The following RPA3 variants were observed in gnomAD, a reference collection of about 807,000 sequenced individuals.
The protein encoded by RPA3 is replication protein A 14 kDa subunit.
In RPA3, 24 loss-of-function variants were observed where a neutral mutation model predicts 13.7. The observed-to-expected ratio is 1.75, with a 90% CI of 1.27 to 2.46. The LOEUF is 2.46. Among genes scored for constraint, RPA3 ranks in the 30% most tolerant of loss-of-function variants. RPA3 has a pLI of 0.00. For missense variants in RPA3, 183 were observed against 151.0 expected, an observed-to-expected ratio of 1.21 and a Z score of -1.11; for synonymous variants, 59 against 51.2, an observed-to-expected ratio of 1.15 and a Z score of -0.65.
rs183720383 is a variant in RPA3, at chr7:7,669,298, T to C, written c.-758+16532A>G. Among the ~76,000 whole-genome samples the C allele has an allele frequency of 3.3e-5, 5 of 152,212 alleles. 1 individual carries two copies. In the South Asian group the frequency reaches 6.2e-4, roughly 19 times the overall value. ...TGACACACTGTAGGAACTCAGTAAA[T>C]GTTAGTGGCATTTGTAGTTATTCCC... On this transcript the variant is annotated intron_variant, in intron 4 of 7. Coordinates refer to ENST00000223129, the MANE Select transcript of RPA3 (RefSeq NM_002947.5).
At chr7:7,645,222 C>T (rs934550009) in intron 4 of RPA3, among the ~76,000 whole-genome samples, 4 of 151,684 alleles carry the variant, frequency 2.6e-5, no homozygotes, top group African/African-American at 9.7e-5. Flanking sequence ...TCTTTCTTAC[C>T]TTTTGCCTAG....
At position 7,637,100 on chromosome 7, in the gene RPA3, G is replaced by C; in HGVS notation, c.284-18C>G. The stretch of plus-strand genomic sequence containing the variant: ...TCCAAGATCTGAAAGAAACATTTAA[G>C]CAAACATTTAATCTACAATGGAAAG... On this transcript the variant is annotated intron_variant, in intron 7 of 7. Transcript: ENST00000223129. The C allele has an allele frequency of 6.6e-7, 1 of 1,524,468 alleles. No individual in the cohort carries two copies. Among genetic ancestry groups the C allele is most frequent in the Non-Finnish European group, 9.1e-7 (1 of 1,099,938 alleles). 94.4% of individuals were successfully genotyped at this position (1,524,468 alleles called of 1,614,324 possible). A position where few individuals can be genotyped will look rare whatever the true frequency, so the allele number is the denominator to read the frequency against.
chr7:7,673,160 A>G, intron 4 of RPA3: 1 of 660,858 alleles, frequency 1.5e-6, no homozygotes, highest in Admixed American at 2.4e-5. Context: ...TTGTCGGCTG[A>G]CATCTAGAGA....
At chr7:7,689,325 C>T (rs897948094) in intron 2 of RPA3, 1 of 152,130 alleles carries the variant, frequency 6.6e-6, no homozygotes, top group Admixed American at 6.6e-5. Context: ...TCATTGCCAA[C>T]TTTGCTTAGG....
In RPA3 at chr7:7,641,039, G is replaced by A. The variant is rs1240896388; in HGVS notation, c.-621C>T. On this transcript the variant is annotated 5_prime_UTR_variant, in exon 5 of 8. Coordinates refer to ENST00000223129, the MANE Select transcript of RPA3 (RefSeq NM_002947.5). ...TGATACGTGGTGTGGCGTCGGGGTTGTGATACCCGCCCCCTTGGAGATGGG... is the reference window on the plus strand; with the variant it reads ...TGATACGTGGTGTGGCGTCGGGGTTATGATACCCGCCCCCTTGGAGATGGG... 1 of 152,800 alleles carries A rather than the reference G, an allele frequency of 6.5e-6. No individual in the cohort carries two copies. Among genetic ancestry groups the A allele is most frequent in the African/African-American group, 2.4e-5 (1 of 41,456 alleles). The allele number at this position is 152,800 out of a possible 1,614,324, so 9.5% of individuals were successfully genotyped here.
At chr7:7,681,696 C>A (rs920142266) in intron 4 of RPA3, among the ~76,000 whole-genome samples, 1 of 152,014 alleles carries the variant, frequency 6.6e-6, no homozygotes, top group African/African-American at 2.4e-5. Context: ...TTTTTCATAG[C>A]CTTATACTAC....
rs34880729 is a variant in RPA3 at position 7,695,981 on chromosome 7, G to GTT, written c.-1027-8655_-1027-8654dup. ...TTTAAACCCTACTGTGTATATCTCC[G>GTT]TTTTTTTTTTTTTTTTCTGATAAAC... On this transcript the variant is annotated intron_variant, in intron 2 of 7. Coordinates refer to ENST00000223129, the MANE Select transcript of RPA3 (RefSeq NM_002947.5). Among the ~76,000 whole-genome samples, 1,296 of 130,694 alleles carry GTT rather than the reference G, an allele frequency of 9.9e-3. 20 individuals carry two copies. Among genetic ancestry groups the GTT allele is most frequent in the African/African-American group, 0.023 (810 of 35,100 alleles). 85.7% of individuals were successfully genotyped at this position (130,694 alleles called of 152,430 possible). A position where few individuals can be genotyped will look rare whatever the true frequency, so the allele number is the denominator to read the frequency against.
chr7:7,694,927 G>A (rs985924909), intron 2 of RPA3, among the ~76,000 whole-genome samples: 2 of 152,086 alleles, frequency 1.3e-5, no homozygotes, highest in Non-Finnish European at 2.9e-5. Context: ...TGGATCATAC[G>A]GTAGTTCTAT....
intron 4 of RPA3, among the ~76,000 whole-genome samples, chr7:7,674,278 T>A (rs1291858962): frequency 6.6e-6 from 1 of 152,238 alleles, no homozygotes; most frequent in African/African-American, 2.4e-5. Flanking sequence ...ACTGGTTTCC[T>A]ACCTCTTACT....
intron 4 of RPA3, among the ~76,000 whole-genome samples, chr7:7,660,652 G>C (rs1255198125): frequency 2.0e-5 from 3 of 152,204 alleles, no homozygotes. Flanking sequence ...GGCCTGTAGG[G>C]TTTCTGCAGA....
At chr7:7,670,199 G>T (rs1779571471) in intron 4 of RPA3, among the ~76,000 whole-genome samples, 1 of 152,168 alleles carries the variant, frequency 6.6e-6, no homozygotes, top group Non-Finnish European at 1.5e-5. Flanking sequence ...TTTTGGGGTT[G>T]GAGAATGACT....
At chr7:7,673,399 G>A (rs901206090) in intron 4 of RPA3, 4 of 1,165,910 alleles carry the variant, frequency 3.4e-6, no homozygotes, top group Non-Finnish European at 5.0e-6. Context: ...AAAGCCTCCG[G>A]AATCTAAAAA....
Position 7,710,150 on chromosome 7 carries a change from C to T in RPA3, c.-1028+5025G>A, listed in dbSNP as rs573870327. ...AGTTCTTTCATTTTTATTTGACATTCCATTGATGAATATACCACAATTTAT... is the reference window on the plus strand; with the variant it reads ...AGTTCTTTCATTTTTATTTGACATTTCATTGATGAATATACCACAATTTAT... On this transcript the variant is annotated intron_variant, in intron 2 of 7. Transcript: ENST00000223129. Among the ~76,000 whole-genome samples, 10 of 152,056 alleles carry T rather than the reference C, an allele frequency of 6.6e-5. No individual in the cohort carries two copies. The South Asian group carries it at 2.1e-3, about 32-fold the overall frequency.
chr7:7,692,983 A>G (rs1458114066), intron 2 of RPA3, among the ~76,000 whole-genome samples: 1 of 152,210 alleles, frequency 6.6e-6, no homozygotes, highest in Non-Finnish European at 1.5e-5. Context: ...AAATAGCTGT[A>G]GGAGGAAAAA....
At chr7:7,661,563 G>A (rs749175483) in intron 4 of RPA3, among the ~76,000 whole-genome samples, 17 of 152,094 alleles carry the variant, frequency 1.1e-4, no homozygotes, top group Non-Finnish European at 1.9e-4. Context: ...TGACAGGCCC[G>A]TGTGCTGCAG....
chr7:7,664,984 G>C (rs1439557112), intron 4 of RPA3, among the ~76,000 whole-genome samples: 1 of 149,210 alleles, frequency 6.7e-6, no homozygotes, highest in Non-Finnish European at 1.5e-5. Flanking sequence ...GGAATAAAAT[G>C]TGTGTGGGTG....
intron 2 of RPA3, among the ~76,000 whole-genome samples, chr7:7,701,582 C>T (rs1386718842): frequency 1.6e-4 from 25 of 152,160 alleles, no homozygotes; most frequent in Admixed American, 1.6e-3. Flanking sequence ...TTTAAATGCT[C>T]TGTGTCTGTG....
At chr7:7,680,580 T>C (rs973201244) in intron 4 of RPA3, among the ~76,000 whole-genome samples, 3 of 152,142 alleles carry the variant, frequency 2.0e-5, no homozygotes, top group African/African-American at 7.2e-5. Context: ...GTGAAGAATG[T>C]CTTTGGTATT....
At chr7:7,717,060 C>CTTTTTTTT (rs766644906) in intron 1 of RPA3, among the ~76,000 whole-genome samples, 3 of 141,602 alleles carry the variant, frequency 2.1e-5, no homozygotes, top group Non-Finnish European at 3.1e-5. Context: ...TTCTTTTTTT[C>CTTTTTTTT]TTTTTTTTTT....
Sources: allele counts gnomAD v4.1 joint callset (sites outside exome capture counted in the v4.1 genomes callset), GRCh38; gene constraint gnomAD v4.1.1; transcripts MANE v1.5; gene names NCBI Gene and HGNC (gene_info 2026-07-23, HGNC 2026-07-21).